Variants in LUZP2 observed in about 807,000 individuals in gnomAD.
The protein encoded by LUZP2 is leucine zipper protein 2.
LUZP2 carries 52 observed loss-of-function variants against 51.6 expected under a neutral mutation model. The ratio of observed to expected loss-of-function variants is 1.01; its 90% CI spans 0.81 to 1.27. The LOEUF is 1.27. LUZP2 is among the 50% of genes most tolerant of loss of function. The pLI, the probability that LUZP2 is intolerant of heterozygous loss-of-function variation, is 0.00. For synonymous variants in LUZP2, 154 were observed against 137.3 expected, an observed-to-expected ratio of 1.12 and a Z score of -0.85; for missense variants, 436 against 395.4, an observed-to-expected ratio of 1.10 and a Z score of -0.87.
At chr11:25,058,327 A>G (rs1399059211) in intron 10 of LUZP2, among the ~76,000 whole-genome samples, 4 of 152,164 alleles carry the variant, frequency 2.6e-5, no homozygotes, top group Non-Finnish European at 1.5e-5. Context: ...ATTTATTTCC[A>G]TAAATAGTAT....
In LUZP2 at chr11:24,865,732, G is replaced by A. The variant is rs879648922; in HGVS notation, c.397-40259G>A. On this transcript the variant is annotated intron_variant, in intron 5 of 11. Transcript: ENST00000336930. ...TGTGTATATATATATATATATGTGT[G>A]TGTGTGTGTGTGTATATATATTTAT... 1.3e-4 allele frequency among the ~76,000 whole-genome samples: 17 copies of A among 135,768 alleles called. No individual in the cohort carries two copies. In the East Asian group the frequency reaches 2.1e-3, roughly 17 times the overall value. 89.1% of individuals were successfully genotyped at this position (135,768 alleles called of 152,430 possible).
chr11:24,912,584 A>G (rs1468114210), intron 6 of LUZP2, among the ~76,000 whole-genome samples: 2 of 152,110 alleles, frequency 1.3e-5, no homozygotes, highest in African/African-American at 4.8e-5. Context: ...TGAGGTGGGC[A>G]GATTGCCTGA....
intron 1 of LUZP2, among the ~76,000 whole-genome samples, chr11:24,626,419 C>A (rs1199590312): frequency 6.6e-6 from 1 of 152,196 alleles, no homozygotes; most frequent in Non-Finnish European, 1.5e-5. Context: ...ACTGTGAAGT[C>A]TTAAAATACA....
At chr11:24,662,012 C>T in intron 1 of LUZP2, among the ~76,000 whole-genome samples, 1 of 151,922 alleles carries the variant, frequency 6.6e-6, no homozygotes, top group East Asian at 1.9e-4. Context: ...TCACCAGATG[C>T]ATTTGATAGT....
chr11:24,888,645 T>G (rs954754936), intron 5 of LUZP2, among the ~76,000 whole-genome samples: 3 of 152,154 alleles, frequency 2.0e-5, no homozygotes, highest in Non-Finnish European at 4.4e-5. Flanking sequence ...TATTTGTTTT[T>G]AAGCTAACCA....
intron 1 of LUZP2, among the ~76,000 whole-genome samples, chr11:24,669,453 A>G (rs1009201644): frequency 3.3e-5 from 5 of 152,082 alleles, no homozygotes; most frequent in Non-Finnish European, 7.4e-5. Flanking sequence ...TTAGTTGTGC[A>G]TTTTTATAGA....
At chr11:24,687,287 T>C (rs1856925753) in intron 1 of LUZP2, among the ~76,000 whole-genome samples, 1 of 152,200 alleles carries the variant, frequency 6.6e-6, no homozygotes, top group African/African-American at 2.4e-5. Context: ...TGACTAAATA[T>C]ACTTTTCGGG....
At chr11:24,879,675 T>A (rs1852393314) in intron 5 of LUZP2, among the ~76,000 whole-genome samples, 1 of 152,182 alleles carries the variant, frequency 6.6e-6, no homozygotes, top group African/African-American at 2.4e-5. Flanking sequence ...ATAAGTGATG[T>A]TGAGCTTTTT....
At chr11:24,836,573 G>T (rs1850865111) in intron 5 of LUZP2, among the ~76,000 whole-genome samples, 1 of 151,786 alleles carries the variant, frequency 6.6e-6, no homozygotes, top group Admixed American at 6.6e-5. Context: ...GAAAACCACA[G>T]AATGATCTCT....
At chr11:24,754,492 G>T (rs1319516313) in intron 4 of LUZP2, among the ~76,000 whole-genome samples, 2 of 152,114 alleles carry the variant, frequency 1.3e-5, no homozygotes, top group South Asian at 2.1e-4. Flanking sequence ...TCTCTGTTTT[G>T]TATCAACAGG....
chr11:25,030,387 A>T (rs1401160795), intron 9 of LUZP2, among the ~76,000 whole-genome samples: 1 of 152,158 alleles, frequency 6.6e-6, no homozygotes, highest in Non-Finnish European at 1.5e-5. Flanking sequence ...TTAGCAATGC[A>T]GCTAAAACCA....
intron 2 of LUZP2, among the ~76,000 whole-genome samples, chr11:24,730,076 C>G (rs75785170): frequency 0.026 from 3,991 of 151,474 alleles, 183 homozygotes; most frequent in African/African-American, 0.09. Flanking sequence ...ACACTCTTCT[C>G]CTTAGCTTTC....
chr11:25,025,336 A>G (rs1283390601), intron 9 of LUZP2, among the ~76,000 whole-genome samples: 1 of 152,194 alleles, frequency 6.6e-6, no homozygotes, highest in Non-Finnish European at 1.5e-5. Context: ...CAGCAAAAGA[A>G]ACTACCATCA....
At chr11:24,545,168 T>C (rs751940966) in intron 1 of LUZP2, among the ~76,000 whole-genome samples, 9 of 151,448 alleles carry the variant, frequency 5.9e-5, no homozygotes, top group Non-Finnish European at 1.3e-4. Flanking sequence ...AGAAGTTGGA[T>C]ACTAGATTAG....
At chr11:24,930,365 T>A (rs183786768) in intron 7 of LUZP2, among the ~76,000 whole-genome samples, 34 of 152,310 alleles carry the variant, frequency 2.2e-4, no homozygotes, top group African/African-American at 6.0e-4. Flanking sequence ...TTTGATGTAT[T>A]TTGAATATTT....
In LUZP2 at chr11:24,642,817, C is replaced by T. The variant is rs191571983; in HGVS notation, c.63-86352C>T. On this transcript the variant is annotated intron_variant, in intron 1 of 11. Transcript: ENST00000336930. Reference sequence around the variant, plus strand: ...GTGGAAGTTATTGAATGGAAAATTACTAAGAGGATATATCAGGGGTAAGGG... The same window carrying T: ...GTGGAAGTTATTGAATGGAAAATTATTAAGAGGATATATCAGGGGTAAGGG... Among the ~76,000 whole-genome samples the T allele has an allele frequency of 4.7e-3, 716 of 152,050 alleles. 13 individuals carry two copies. The highest frequency in any genetic ancestry group is 0.016 in the African/African-American group (674 of 41,470).
rs58327325 is a variant in LUZP2, at chr11:25,050,016, A to G, written c.766-22A>G. The G allele has an allele frequency of 4.8e-4, 689 of 1,435,506 alleles. 3 individuals carry two copies. In the African/African-American group the frequency reaches 7.6e-3, roughly 16 times the overall value. The allele number at this position is 1,435,506 out of a possible 1,614,324, so 88.9% of individuals were successfully genotyped here. On this transcript the variant is annotated intron_variant, in intron 9 of 11. Coordinates refer to ENST00000336930, the MANE Select transcript of LUZP2 (RefSeq NM_001009909.4). ...TGTATTTAGTGATTTCTTTCTTTCTATCTCTCTTCGTCTCTTTTAAGCCTC... is the reference window on the plus strand; with the variant it reads ...TGTATTTAGTGATTTCTTTCTTTCTGTCTCTCTTCGTCTCTTTTAAGCCTC...
intron 9 of LUZP2, among the ~76,000 whole-genome samples, chr11:24,997,266 C>A (rs1856533487): frequency 6.6e-6 from 1 of 152,080 alleles, no homozygotes; most frequent in Non-Finnish European, 1.5e-5. Context: ...TTCTCCACAT[C>A]CTCTCCAGCA....
intron 7 of LUZP2, among the ~76,000 whole-genome samples, chr11:24,951,264 C>T (rs902742410): frequency 6.6e-6 from 1 of 151,468 alleles, no homozygotes; most frequent in African/African-American, 2.4e-5. Context: ...CTCTTGCCCT[C>T]CTTGTTAAAT....
Sources: allele counts gnomAD v4.1 joint callset (sites outside exome capture counted in the v4.1 genomes callset), GRCh38; gene constraint gnomAD v4.1.1; transcripts MANE v1.5; gene names NCBI Gene and HGNC (gene_info 2026-07-23, HGNC 2026-07-21).